Variants in CCDC38 observed in about 807,000 individuals in gnomAD.
CCDC38 encodes coiled-coil domain containing 38.
CCDC38 carries 69 observed loss-of-function variants against 72.8 expected under a neutral mutation model. The ratio of observed to expected loss-of-function variants is 0.95; its 90% CI spans 0.78 to 1.16. The LOEUF (loss-of-function observed/expected upper bound fraction) is 1.16. Ranked by LOEUF, CCDC38 falls within the 50% of genes most tolerant of loss-of-function variation. CCDC38 has a pLI of 0.00. For missense variants in CCDC38, 626 were observed against 638.9 expected (o/e 0.98, Z 0.22); for synonymous variants, 201 against 213.2 (o/e 0.94, Z 0.50).
intron 5 of CCDC38, chr12:95,903,450 T>G: frequency 1.4e-6 from 1 of 700,234 alleles, no homozygotes. Flanking sequence ...GCAGTGGAAA[T>G]CCTTGCCTTG....
intron 4 of CCDC38, among the ~76,000 whole-genome samples, chr12:95,916,686 C>T (rs749554175): frequency 6.6e-6 from 1 of 151,998 alleles, no homozygotes; most frequent in Admixed American, 6.6e-5. Flanking sequence ...GTCACTAAAA[C>T]CAGATTAGGT....
At chr12:95,916,309 A>AT (rs1174993454) in intron 4 of CCDC38, among the ~76,000 whole-genome samples, 1 of 150,510 alleles carries the variant, frequency 6.6e-6, no homozygotes, top group Non-Finnish European at 1.5e-5. Context: ...TTCTCTGAAA[A>AT]ATTTTTTTAC....
chr12:95,901,320 G>T (rs1028677705), intron 5 of CCDC38, among the ~76,000 whole-genome samples: 3 of 152,130 alleles, frequency 2.0e-5, no homozygotes, highest in African/African-American at 7.2e-5. Flanking sequence ...AGACTTGCAG[G>T]GGTAGGAAAG....
At chr12:95,873,158 CT>C (rs1035779759) in intron 13 of CCDC38, among the ~76,000 whole-genome samples, 1 of 152,072 alleles carries the variant, frequency 6.6e-6, no homozygotes, top group African/African-American at 2.4e-5. Flanking sequence ...AGCCCCCCTC[CT>C]TTTTTGCATG....
chr12:95,908,473 G>T (rs1186978613), intron 4 of CCDC38, among the ~76,000 whole-genome samples: 2 of 4 alleles, frequency 0.5, no homozygotes, highest in African/African-American at 0.5. Context: ...GAGGGAGAGG[G>T]AGAGGGAGAG....
chr12:95,935,566 T>TTGC, intron 2 of CCDC38: 1 of 286,882 alleles, frequency 3.5e-6, no homozygotes, highest in South Asian at 3.0e-5. Flanking sequence ...TAAGCCACAG[T>TTGC]TGTTTTATAT....
At chr12:95,918,174 T>C (rs186579240) in intron 3 of CCDC38, among the ~76,000 whole-genome samples, 1 of 152,320 alleles carries the variant, frequency 6.6e-6, no homozygotes, top group African/African-American at 2.4e-5. Flanking sequence ...AACCAGGCGA[T>C]GTAGGTGTGA....
chr12:95,937,756 T>C (rs923172998), intron 1 of CCDC38, among the ~76,000 whole-genome samples: 4 of 152,248 alleles, frequency 2.6e-5, no homozygotes, highest in Non-Finnish European at 5.9e-5. Flanking sequence ...GTTTGGTATT[T>C]ACTTATGTGT....
intron 5 of CCDC38, among the ~76,000 whole-genome samples, 168 bp downstream of exon 5, chr12:95,906,219 A>G (rs537542644): frequency 1.3e-5 from 2 of 152,372 alleles, no homozygotes; most frequent in South Asian, 4.1e-4. Context: ...GGCACATAGT[A>G]AACTCTCCGT....
At chr12:95,928,935 T>C (rs1394949159) in intron 2 of CCDC38, among the ~76,000 whole-genome samples, 2 of 152,232 alleles carry the variant, frequency 1.3e-5, no homozygotes, top group African/African-American at 2.4e-5. Context: ...ACCACTGCTC[T>C]CTTCAAAGCT....
chr12:95,925,349 A>G (rs940089663), intron 2 of CCDC38, among the ~76,000 whole-genome samples: 1 of 152,038 alleles, frequency 6.6e-6, no homozygotes, highest in Non-Finnish European at 1.5e-5. Flanking sequence ...TTTGTCTCTT[A>G]TTGGTGTATA....
chr12:95,875,365 G>A (rs1186018867), intron 13 of CCDC38, among the ~76,000 whole-genome samples: 1 of 152,132 alleles, frequency 6.6e-6, no homozygotes, highest in Non-Finnish European at 1.5e-5. Flanking sequence ...CATTATACTT[G>A]AACTTAAAAT....
chr12:95,888,434 G>A (rs768741688), intron 10 of CCDC38, 24 bp downstream of exon 10: 13 of 1,606,316 alleles, frequency 8.1e-6, no homozygotes, highest in Non-Finnish European at 1.0e-5. Context: ...GTTTCCAAGG[G>A]AGTTAGTCAA....
chr12:95,936,592 C>G (rs965430548), intron 1 of CCDC38, 69 bp from the exon 2 acceptor site: 1 of 1,233,574 alleles, frequency 8.1e-7, no homozygotes, highest in Non-Finnish European at 1.2e-6. Flanking sequence ...CTAAATTCAA[C>G]TGCCAATGAC....
intron 2 of CCDC38, among the ~76,000 whole-genome samples, chr12:95,925,592 T>C (rs1288337330): frequency 3.9e-5 from 6 of 152,312 alleles, no homozygotes; most frequent in African/African-American, 9.6e-5. Flanking sequence ...ATAGTAGTGG[T>C]GAGAGAGGGC....
At chr12:95,928,368 G>C (rs1265537278) in intron 2 of CCDC38, among the ~76,000 whole-genome samples, 2 of 152,250 alleles carry the variant, frequency 1.3e-5, no homozygotes, top group Non-Finnish European at 2.9e-5. Flanking sequence ...CGTAGTTCTT[G>C]AGCCTTGGTT....
intron 2 of CCDC38, chr12:95,933,569 T>A (rs2080360444): frequency 6.6e-6 from 1 of 152,242 alleles, no homozygotes; most frequent in Non-Finnish European, 1.5e-5. Flanking sequence ...GGATCTCTAA[T>A]ACATTTCTTG....
Position 95,898,404 on chromosome 12 carries a change from C to A in CCDC38, c.595G>T (p.Glu199Ter). The A allele has an allele frequency of 6.2e-7, 1 of 1,614,206 alleles. No homozygotes were observed. The highest frequency in any genetic ancestry group is 8.5e-7 in the Non-Finnish European group (1 of 1,180,038). ...CCTCACCTTTTCACTGCTTGTACCT[C>A]CATGCTTGCTTTCTTCAGCTCTGCT... ...MTAELKKASM[E>*]VQAVKSEIAK... Residue 199 changes from glutamate to a stop codon, truncating the protein, a stop_gained, in exon 7 of 16, where the codon GAG becomes TAG. Coordinates refer to ENST00000344280, the MANE Select transcript of CCDC38 (RefSeq NM_182496.3). LOFTEE classifies it high-confidence loss of function.
chr12:95,929,369 A>C (rs929715319), intron 2 of CCDC38, among the ~76,000 whole-genome samples: 3 of 152,156 alleles, frequency 2.0e-5, no homozygotes, highest in African/African-American at 7.2e-5. Flanking sequence ...GCACTTCCCG[A>C]GTGAGGCAAT....
Sources: gnomAD v4.1 joint callset for allele counts (sites outside exome capture counted in the v4.1 genomes callset) on GRCh38, gnomAD v4.1.1 for gene constraint, MANE v1.5 for transcripts, NCBI Gene and HGNC (gene_info 2026-07-23, HGNC 2026-07-21) for gene names.